The following DOCK3 variants were observed in gnomAD, a reference collection of about 807,000 sequenced individuals.
DOCK3 encodes dedicator of cytokinesis 3, also known as dedicator of cytokinesis protein 3.
In DOCK3, 60 loss-of-function variants were observed where a neutral mutation model predicts 265.6. That is an observed-to-expected ratio of 0.23 (90% CI 0.18 to 0.28). The LOEUF is 0.28. Among genes scored for constraint, DOCK3 ranks in the 10% least tolerant of loss-of-function variants. The pLI, the probability that DOCK3 is intolerant of heterozygous loss-of-function variation, is 1.00. For synonymous variants in DOCK3, 881 were observed against 938.0 expected, an observed-to-expected ratio of 0.94 and a Z score of 1.11; for missense variants, 1,981 against 2,594.3, an observed-to-expected ratio of 0.76 and a Z score of 5.14.
chr3:50,999,496 T>TTA (rs2078397719), intron 5 of DOCK3, among the ~76,000 whole-genome samples: 1 of 152,292 alleles, frequency 6.6e-6, no homozygotes, highest in African/African-American at 2.4e-5. Flanking sequence ...TCTCTAAAAT[T>TTA]TAGAGTACCC....
rs1185754568 is a variant in DOCK3, at chr3:51,338,314, A to G, written c.3612-45A>G. On this transcript the variant is annotated intron_variant, in intron 35 of 52. Transcript: ENST00000266037. ...TAGTACAGTTCTATGTGTTGTCTCAAGGCCCCACTTCATATCTGGTGCTCA... is the reference window on the plus strand; with the variant it reads ...TAGTACAGTTCTATGTGTTGTCTCAGGGCCCCACTTCATATCTGGTGCTCA... 2.6e-6 allele frequency: 4 copies of G among 1,549,284 alleles called. No individual in the cohort carries two copies. The South Asian group carries it at 3.6e-5, about 14-fold the overall frequency.
intron 3 of DOCK3, among the ~76,000 whole-genome samples, chr3:50,875,275 G>T (rs2047649218): frequency 1.3e-5 from 2 of 152,058 alleles, no homozygotes; most frequent in South Asian, 4.1e-4. Context: ...ATTCCAGTTT[G>T]GGTACCCTTT....
intron 1 of DOCK3, among the ~76,000 whole-genome samples, chr3:50,677,790 T>C (rs902910075): frequency 1.3e-5 from 2 of 152,232 alleles, no homozygotes; most frequent in Non-Finnish European, 2.9e-5. Context: ...GTAATACTTA[T>C]TAAATTTTTT....
chr3:50,727,655 G>A (rs763070574), intron 1 of DOCK3, among the ~76,000 whole-genome samples: 3 of 152,116 alleles, frequency 2.0e-5, no homozygotes, highest in Non-Finnish European at 2.9e-5. Context: ...CCATGATTGC[G>A]CCACTGCACT....
rs1437378960 is a variant in DOCK3, at chr3:51,105,915, C to A, written c.746+15531C>A. Reference sequence around the variant, plus strand: ...GGGGGTGAGTTGAACAGACAAGGAACAATCTGCTCTTGCCACAGGCCCCAC... The same window carrying A: ...GGGGGTGAGTTGAACAGACAAGGAAAAATCTGCTCTTGCCACAGGCCCCAC... On this transcript the variant is annotated intron_variant, in intron 9 of 52. Transcript: ENST00000266037. Among the ~76,000 whole-genome samples the A allele has an allele frequency of 1.3e-5, 2 of 152,194 alleles. 1 individual carries two copies. The highest frequency in any genetic ancestry group is 4.1e-4 in the South Asian group (2 of 4,826).
chr3:50,786,510 C>T (rs1338763815), intron 2 of DOCK3, among the ~76,000 whole-genome samples: 3 of 152,184 alleles, frequency 2.0e-5, no homozygotes, highest in African/African-American at 7.2e-5. Context: ...TCTTTGCACA[C>T]TAACACATGG....
chr3:50,742,965 G>C (rs1342478168), intron 1 of DOCK3, among the ~76,000 whole-genome samples: 1 of 152,168 alleles, frequency 6.6e-6, no homozygotes, highest in Non-Finnish European at 1.5e-5. Flanking sequence ...ACCCACAAAG[G>C]GAAGCCCATC....
At chr3:50,943,762 C>T (rs2076358897) in intron 5 of DOCK3, among the ~76,000 whole-genome samples, 1 of 152,016 alleles carries the variant, frequency 6.6e-6, no homozygotes, top group Non-Finnish European at 1.5e-5. Flanking sequence ...GCTACGTTTA[C>T]CTTTTATCAC....
intron 1 of DOCK3, among the ~76,000 whole-genome samples, chr3:50,718,823 C>CA (rs1257892036): frequency 1.5e-5 from 2 of 134,242 alleles, no homozygotes; most frequent in Admixed American, 1.7e-4. Flanking sequence ...CTTGCTCTGT[C>CA]ACCCAGGCCA....
At chr3:51,077,678 G>A (rs2082098699) in intron 7 of DOCK3, among the ~76,000 whole-genome samples, 1 of 152,156 alleles carries the variant, frequency 6.6e-6, no homozygotes, top group South Asian at 2.1e-4. Flanking sequence ...AAGTGAAATG[G>A]GAAACCTTGT....
intron 7 of DOCK3, among the ~76,000 whole-genome samples, chr3:51,078,181 AAATTAGGAAAC>A (rs1441043887): frequency 2.2e-4 from 34 of 152,334 alleles, no homozygotes; most frequent in African/African-American, 6.5e-4. Flanking sequence ...CTGCAGAGAG[AAATTAGGAAAC>A]AATTAGGAAA....
At chr3:51,370,688 A>G (rs998586344) in intron 49 of DOCK3, among the ~76,000 whole-genome samples, 2 of 152,212 alleles carry the variant, frequency 1.3e-5, no homozygotes, top group African/African-American at 4.8e-5. Flanking sequence ...GAAATAACTC[A>G]TTTTTACTTC....
intron 38 of DOCK3, among the ~76,000 whole-genome samples, chr3:51,345,581 C>T (rs748491908): frequency 4.6e-5 from 7 of 152,114 alleles, no homozygotes; most frequent in Non-Finnish European, 7.4e-5. Context: ...GTGATCATGC[C>T]AGTGCATTCT....
chr3:50,861,107 G>C (rs2046887846), intron 3 of DOCK3, among the ~76,000 whole-genome samples: 2 of 152,292 alleles, frequency 1.3e-5, no homozygotes, highest in Middle Eastern at 3.4e-3. Flanking sequence ...TGGTTTTCCA[G>C]GGTTGCTCAT....
intron 1 of DOCK3, among the ~76,000 whole-genome samples, chr3:50,771,915 G>T (rs557078788): frequency 1.3e-5 from 2 of 152,274 alleles, no homozygotes; most frequent in Non-Finnish European, 2.9e-5. Flanking sequence ...TAGAGCTACT[G>T]TGTGATTCAG....
chr3:50,852,187 G>A (rs1486773714), intron 3 of DOCK3, among the ~76,000 whole-genome samples: 2 of 152,196 alleles, frequency 1.3e-5, no homozygotes, highest in East Asian at 3.8e-4. Context: ...TGGGATCTGA[G>A]GTTTCTTCAC....
intron 32 of DOCK3, among the ~76,000 whole-genome samples, chr3:51,317,440 C>T (rs570859749): frequency 2.4e-4 from 37 of 151,132 alleles, no homozygotes; most frequent in Non-Finnish European, 4.4e-4. Context: ...ATTAGCCAGG[C>T]GTGGTGCCAC....
intron 13 of DOCK3, among the ~76,000 whole-genome samples, chr3:51,212,375 G>A (rs936615355): frequency 6.6e-6 from 1 of 151,632 alleles, no homozygotes; most frequent in African/African-American, 2.4e-5. Context: ...AAGACAAAAG[G>A]CAGTCAGTGA....
At chr3:51,075,318 G>A (rs775143931) in intron 6 of DOCK3, 38 bp from the exon 7 acceptor site, 5 of 1,548,090 alleles carry the variant, frequency 3.2e-6, no homozygotes, top group Non-Finnish European at 4.4e-6. Flanking sequence ...AGTAATCTGA[G>A]TACATGGCAT....
Sources: gnomAD v4.1 joint callset for allele counts (sites outside exome capture counted in the v4.1 genomes callset) on GRCh38, gnomAD v4.1.1 for gene constraint, MANE v1.5 for transcripts, NCBI Gene and HGNC (gene_info 2026-07-23, HGNC 2026-07-21) for gene names.